Variants in UTRN observed in about 807,000 individuals in gnomAD.
UTRN encodes utrophin, also known as dystrophin-related protein 1.
UTRN carries 283 observed loss-of-function variants against 463.9 expected under a neutral mutation model. That is an observed-to-expected ratio of 0.61 (90% confidence interval 0.55 to 0.67). The LOEUF is 0.67. Ranked by LOEUF, UTRN falls within the 30% of genes least tolerant of loss-of-function variation. The pLI, the probability that UTRN is intolerant of heterozygous loss-of-function variation, is 0.00. For synonymous variants in UTRN, 1,442 were observed against 1,431.5 expected (o/e 1.01, Z -0.17); for missense variants, 3,922 against 4,084.3 (o/e 0.96, Z 1.08).
chr6:144,432,213 A>G (rs772358282), intron 9 of UTRN, among the ~76,000 whole-genome samples: 1 of 152,148 alleles, frequency 6.6e-6, no homozygotes, highest in Non-Finnish European at 1.5e-5. Flanking sequence ...TTTTCCCCCA[A>G]GACTCTTGTT....
intron 56 of UTRN, among the ~76,000 whole-genome samples, chr6:144,752,288 C>T (rs1791482546): frequency 6.6e-6 from 1 of 151,492 alleles, no homozygotes; most frequent in South Asian, 2.1e-4. Flanking sequence ...TTCTTACTTT[C>T]ATCATGTATT....
chr6:144,289,569 G>A (rs1286492053), intron 1 of UTRN, among the ~76,000 whole-genome samples: 1 of 152,030 alleles, frequency 6.6e-6, no homozygotes, highest in Non-Finnish European at 1.5e-5. Context: ...TAATCCTCTC[G>A]CTTAAGCTTC....
At chr6:144,650,866 G>A (rs918370252) in intron 51 of UTRN, among the ~76,000 whole-genome samples, 9 of 152,078 alleles carry the variant, frequency 5.9e-5, no homozygotes, top group African/African-American at 2.2e-4. Context: ...CCCAGACTGC[G>A]CTACTGCACT....
intron 69 of UTRN, among the ~76,000 whole-genome samples, chr6:144,829,784 A>G (rs1028741715): frequency 7.9e-5 from 12 of 151,620 alleles, no homozygotes; most frequent in African/African-American, 2.2e-4. Context: ...TTCTCTTTCC[A>G]TATTTTCTAA....
At chr6:144,290,033 A>G (rs1436281314) in intron 1 of UTRN, among the ~76,000 whole-genome samples, 1 of 152,220 alleles carries the variant, frequency 6.6e-6, no homozygotes, top group East Asian at 1.9e-4. Flanking sequence ...CTACATACAT[A>G]TATCAACCTA....
chr6:144,599,740 A>C (rs1804042033), intron 51 of UTRN, among the ~76,000 whole-genome samples: 1 of 152,122 alleles, frequency 6.6e-6, no homozygotes, highest in South Asian at 2.1e-4. Flanking sequence ...TACTATTCAG[A>C]AGGGAATATT....
At chr6:144,834,748 G>A (rs1313017042) in intron 69 of UTRN, among the ~76,000 whole-genome samples, 1 of 152,200 alleles carries the variant, frequency 6.6e-6, no homozygotes, top group Non-Finnish European at 1.5e-5. Flanking sequence ...TGACTCCAGA[G>A]TAACAGAAGA....
At chr6:144,621,251 A>G (rs1219638597) in intron 51 of UTRN, among the ~76,000 whole-genome samples, 1 of 152,212 alleles carries the variant, frequency 6.6e-6, no homozygotes, top group African/African-American at 2.4e-5. Context: ...TCAGTGAGTT[A>G]TAAAACATTG....
At position 144,835,836 on chromosome 6, in the gene UTRN, C is replaced by T. The variant is rs766018506; in HGVS notation, c.9722C>T (p.Pro3241Leu). The change falls in exon 70 of 75, where the codon CCA becomes CTA. Residue 3241 changes from proline to leucine, a missense_variant. Pro to Leu is a moderately conservative substitution (Grantham distance 98, BLOSUM62 -3). Around this residue, in one of 3 missense-constraint regions of UTRN, gnomAD observed 1,309 missense variants for 1,452.6 expected, o/e 0.90. Transcript: ENST00000367545. ...TGCCAAACACTCGGAGGAGAGTCCCCAGTGAGCCAGCCGCAGAGCCCAGCT... is the reference window on the plus strand; with the variant it reads ...TGCCAAACACTCGGAGGAGAGTCCCTAGTGAGCCAGCCGCAGAGCCCAGCT... ...QYCQTLGGES[P>L]VSQPQSPAQI... 6.2e-7 allele frequency: 1 copy of T among 1,614,112 alleles called. No individual in the cohort carries two copies. The highest frequency in any genetic ancestry group is 8.5e-7 in the Non-Finnish European group (1 of 1,179,996).
Position 144,843,299 on chromosome 6 carries a change from A to G in UTRN, c.10270+2467A>G, listed in dbSNP as rs113411508. ...ACACCTTGTAATATATATAAAATAT[A>G]TAATTTCCATATTAAAAATTTTATT... On this transcript the variant is annotated intron_variant, in intron 73 of 74. Transcript: ENST00000367545. Among the ~76,000 whole-genome samples, 5 of 152,126 alleles carry G rather than the reference A, an allele frequency of 3.3e-5. 1 individual carries two copies. Among genetic ancestry groups the G allele is most frequent in the African/African-American group, 1.2e-4 (5 of 41,564 alleles).
intron 34 of UTRN, among the ~76,000 whole-genome samples, chr6:144,509,529 G>A (rs1030969706): frequency 8.6e-5 from 13 of 152,034 alleles, no homozygotes; most frequent in Non-Finnish European, 1.9e-4. Context: ...AAATGATAAA[G>A]ATGATATATA....
chr6:144,395,401 GT>G (rs397960296), intron 2 of UTRN, among the ~76,000 whole-genome samples: 2,371 of 127,730 alleles, frequency 0.019, 25 homozygotes, highest in South Asian at 0.098. Flanking sequence ...AAGATGTTGA[GT>G]TTTTTTTTTT....
At chr6:144,503,100 T>C (rs1794356823) in intron 34 of UTRN, among the ~76,000 whole-genome samples, 1 of 151,192 alleles carries the variant, frequency 6.6e-6, no homozygotes, top group South Asian at 2.2e-4. Flanking sequence ...ATGGAGTTGT[T>C]TGTTTTTTTC....
At chr6:144,796,689 C>T (rs986350733) in intron 63 of UTRN, among the ~76,000 whole-genome samples, 3 of 151,972 alleles carry the variant, frequency 2.0e-5, no homozygotes, top group Non-Finnish European at 2.9e-5. Flanking sequence ...TGATGTTATA[C>T]ATATGCATAA....
chr6:144,764,890 A>T (rs1356862525), intron 58 of UTRN, among the ~76,000 whole-genome samples: 2 of 152,176 alleles, frequency 1.3e-5, no homozygotes, highest in African/African-American at 2.4e-5. Context: ...GGATACAATG[A>T]TCCCCTCAAC....
At chr6:144,514,935 C>T (rs888613525) in intron 37 of UTRN, 115 bp downstream of exon 37, 2 of 1,145,756 alleles carry the variant, frequency 1.7e-6, no homozygotes, top group Non-Finnish European at 2.4e-6. Context: ...TTATTGTTTT[C>T]TCTCTCTGTC....
intron 2 of UTRN, among the ~76,000 whole-genome samples, chr6:144,359,955 A>T (rs980657166): frequency 1.3e-5 from 2 of 152,064 alleles, no homozygotes; most frequent in African/African-American, 4.8e-5. Context: ...TCAACTTTGT[A>T]TTCAGTGATA....
chr6:144,494,345 G>A (rs376525236), intron 33 of UTRN, among the ~76,000 whole-genome samples: 168 of 152,160 alleles, frequency 1.1e-3, no homozygotes, highest in Non-Finnish European at 1.7e-3. Context: ...TTAAGGCAGC[G>A]CATCTGGAGT....
At chr6:144,366,328 T>C (rs1451919223) in intron 2 of UTRN, among the ~76,000 whole-genome samples, 2 of 152,214 alleles carry the variant, frequency 1.3e-5, no homozygotes, top group Non-Finnish European at 2.9e-5. Context: ...GGGTTTGTTG[T>C]ACTGATTATT....
Sources: allele counts gnomAD v4.1 joint callset (sites outside exome capture counted in the v4.1 genomes callset), GRCh38; gene constraint gnomAD v4.1.1; regional missense constraint gnomAD v4.1.1; transcripts MANE v1.5; gene names NCBI Gene and HGNC (gene_info 2026-07-23, HGNC 2026-07-21).